The following MMP26 variants were observed in gnomAD, a reference collection of about 807,000 sequenced individuals.
MMP26 encodes the protein matrix metallopeptidase 26.
A neutral mutation model predicts 31.0 loss-of-function variants in MMP26; 33 were observed. The ratio of observed to expected loss-of-function variants is 1.06; its 90% CI spans 0.81 to 1.42. The LOEUF (loss-of-function observed/expected upper bound fraction) is 1.42. Among genes scored for constraint, MMP26 ranks in the 40% most tolerant of loss-of-function variants. The probability of loss-of-function intolerance (pLI) is 0.00; values close to 1 mark genes in which losing one functional copy is unlikely to be tolerated. For synonymous variants in MMP26, 122 were observed against 114.9 expected, an observed-to-expected ratio of 1.06 and a Z score of -0.40; for missense variants, 347 against 316.1, an observed-to-expected ratio of 1.10 and a Z score of -0.74.
intron 1 of MMP26, among the ~76,000 whole-genome samples, chr11:4,726,438 G>C (rs1458538125): frequency 6.6e-6 from 1 of 151,910 alleles, no homozygotes; most frequent in South Asian, 2.1e-4. Context: ...CTCCAGCCTG[G>C]GAGACAAGAG....
intron 2 of MMP26, among the ~76,000 whole-genome samples, chr11:4,799,591 C>T (rs1297673926): frequency 5.9e-5 from 9 of 152,054 alleles, no homozygotes; most frequent in African/African-American, 9.7e-5. Context: ...ATTTTATGTC[C>T]TTCTCACGTT....
At chr11:4,799,219 C>G (rs5005349) in intron 2 of MMP26, among the ~76,000 whole-genome samples, 55,905 of 151,752 alleles carry the variant, frequency 0.37, 11,348 homozygotes, top group African/African-American at 0.52. Context: ...ATAAAGAAAA[C>G]AGACTTAATT....
chr11:4,719,368 T>C (rs1361068253), intron 1 of MMP26: 7 of 153,442 alleles, frequency 4.6e-5, no homozygotes, highest in African/African-American at 1.7e-4. Context: ...TGTTGCTGTA[T>C]TTTACATTCC....
chr11:4,869,862 T>G (rs893743455), intron 2 of MMP26, among the ~76,000 whole-genome samples: 1 of 152,110 alleles, frequency 6.6e-6, no homozygotes, highest in Non-Finnish European at 1.5e-5. Context: ...ATGTGGCACA[T>G]ATATATACAC....
In MMP26 at chr11:4,944,220, C is replaced by T. The variant is rs16907608; in HGVS notation, c.-144-43848C>T. The T allele has an allele frequency of 6.6e-3, 2,569 of 387,802 alleles. 51 individuals carry two copies. Among genetic ancestry groups the T allele is most frequent in the African/African-American group, 0.047 (2,191 of 46,710 alleles). 24.0% of individuals were successfully genotyped at this position (387,802 alleles called of 1,614,324 possible). ...ACTAGGATAGGTTTGTGAAAACATA[C>T]GTAGTCCTGAATTTAAAAACTAAAA... On this transcript the variant is annotated intron_variant, in intron 2 of 7. Coordinates refer to ENST00000380390, the MANE Select transcript of MMP26 (RefSeq NM_021801.5).
At chr11:4,924,225 T>A in intron 2 of MMP26, 1 of 1,614,020 alleles carries the variant, frequency 6.2e-7, no homozygotes, top group Non-Finnish European at 8.5e-7. Context: ...AAGATAACTG[T>A]CAGGTAGATG....
chr11:4,912,442 T>C (rs1474520584), intron 2 of MMP26: 1 of 152,206 alleles, frequency 6.6e-6, no homozygotes, highest in African/African-American at 2.4e-5. Flanking sequence ...AATCCAGCTG[T>C]GAAGCTGTAT....
At chr11:4,957,633 G>A (rs1281923433) in intron 2 of MMP26, among the ~76,000 whole-genome samples, 1 of 151,302 alleles carries the variant, frequency 6.6e-6, no homozygotes, top group East Asian at 1.9e-4. Flanking sequence ...TGTTATTCTG[G>A]TTGCCTGTTA....
chr11:4,753,754 C>T (rs1401635024), intron 1 of MMP26, among the ~76,000 whole-genome samples: 1 of 152,044 alleles, frequency 6.6e-6, no homozygotes, highest in Non-Finnish European at 1.5e-5. Flanking sequence ...AGAATTCACC[C>T]CAGGTAAAGC....
At chr11:4,781,199 G>A (rs183063986) in intron 2 of MMP26, among the ~76,000 whole-genome samples, 8 of 152,286 alleles carry the variant, frequency 5.3e-5, no homozygotes, top group African/African-American at 1.7e-4. Context: ...GGTGATGGTT[G>A]TACGACTGCA....
At chr11:4,858,742 CA>C (rs1376961543) in intron 2 of MMP26, among the ~76,000 whole-genome samples, 3 of 152,114 alleles carry the variant, frequency 2.0e-5, no homozygotes, top group African/African-American at 7.2e-5. Context: ...CATATGGAAC[CA>C]AAAAAGAGCC....
chr11:4,818,906 C>T (rs17249369), intron 2 of MMP26, among the ~76,000 whole-genome samples: 3 of 151,862 alleles, frequency 2.0e-5, no homozygotes, highest in African/African-American at 4.8e-5. Context: ...AGAGTGAATA[C>T]ATTTGGAAAA....
At chr11:4,775,309 G>A (rs569476251) in intron 2 of MMP26, among the ~76,000 whole-genome samples, 2 of 152,190 alleles carry the variant, frequency 1.3e-5, no homozygotes, top group East Asian at 1.9e-4. Context: ...TCCTTGAGCC[G>A]TGGTTTGTAG....
At chr11:4,710,657 A>G in intron 1 of MMP26, 2 of 351,014 alleles carry the variant, frequency 5.7e-6, no homozygotes, top group Non-Finnish European at 1.1e-5. Flanking sequence ...CTTACCATTT[A>G]CACAGTTCTA....
chr11:4,882,708 C>T, intron 2 of MMP26: 4 of 1,613,996 alleles, frequency 2.5e-6, no homozygotes, highest in Non-Finnish European at 3.4e-6. Context: ...TTCCACTCCA[C>T]CCCAAGGGTG....
intron 2 of MMP26, among the ~76,000 whole-genome samples, chr11:4,897,151 AT>A (rs1018403293): frequency 1.3e-5 from 2 of 151,190 alleles, no homozygotes; most frequent in African/African-American, 4.9e-5. Context: ...TTTTTTGTTT[AT>A]TTTTTTTGGA....
At chr11:4,833,762 G>A (rs1351654767) in intron 2 of MMP26, among the ~76,000 whole-genome samples, 1 of 152,110 alleles carries the variant, frequency 6.6e-6, no homozygotes, top group East Asian at 1.9e-4. Flanking sequence ...AGCAAATTTT[G>A]GTGGAAGTCA....
intron 2 of MMP26, among the ~76,000 whole-genome samples, chr11:4,824,488 T>A (rs1849555301): frequency 6.6e-6 from 1 of 152,124 alleles, no homozygotes; most frequent in Non-Finnish European, 1.5e-5. Context: ...CAGAAGCATC[T>A]TTCATTGTTA....
chr11:4,834,425 C>A (rs1849688834), intron 2 of MMP26, among the ~76,000 whole-genome samples: 1 of 152,132 alleles, frequency 6.6e-6, no homozygotes, highest in Admixed American at 6.6e-5. Context: ...AAAGGGTCAG[C>A]AAGGAAACTT....
Sources: gnomAD v4.1 joint callset for allele counts (sites outside exome capture counted in the v4.1 genomes callset) on GRCh38, gnomAD v4.1.1 for gene constraint, MANE v1.5 for transcripts, NCBI Gene and HGNC (gene_info 2026-07-23, HGNC 2026-07-21) for gene names.